Variants in RBPMS observed in about 807,000 individuals in gnomAD.
RBPMS encodes the protein RNA-binding protein with multiple splicing.
In RBPMS, 7 loss-of-function variants were observed where a neutral mutation model predicts 26.8. That is an observed-to-expected ratio of 0.26 (90% confidence interval 0.15 to 0.49). RBPMS has a LOEUF of 0.49. Among genes scored for constraint, RBPMS ranks in the 20% least tolerant of loss-of-function variants. The probability of loss-of-function intolerance (pLI) is 0.98; values close to 1 mark genes in which losing one functional copy is unlikely to be tolerated. For synonymous variants in RBPMS, 96 were observed against 93.3 expected, an observed-to-expected ratio of 1.03 and a Z score of -0.17; for missense variants, 186 against 250.0, an observed-to-expected ratio of 0.74 and a Z score of 1.73.
At chr8:30,409,782 A>G (rs939884945) in intron 1 of RBPMS, among the ~76,000 whole-genome samples, 6 of 151,948 alleles carry the variant, frequency 3.9e-5, no homozygotes, top group African/African-American at 1.2e-4. Context: ...ATAGGCAAAC[A>G]CCATCATGCC....
chr8:30,562,847 C>G (rs1827611743), intron 7 of RBPMS, among the ~76,000 whole-genome samples: 1 of 152,126 alleles, frequency 6.6e-6, no homozygotes, highest in Admixed American at 6.5e-5. Context: ...GGCCAGCACT[C>G]CCAGAGGTCC....
intron 1 of RBPMS, among the ~76,000 whole-genome samples, chr8:30,464,443 C>T (rs1816277054): frequency 1.3e-5 from 2 of 152,172 alleles, no homozygotes; most frequent in Non-Finnish European, 1.5e-5. Flanking sequence ...TTCTAGTTCA[C>T]ACCTTCTCTA....
chr8:30,539,974 G>A (rs539071917), intron 5 of RBPMS, among the ~76,000 whole-genome samples: 1 of 152,298 alleles, frequency 6.6e-6, no homozygotes, highest in African/African-American at 2.4e-5. Flanking sequence ...GGTAGACACT[G>A]GTGAGCAAGA....
Position 30,562,230 on chromosome 8 carries a change from C to T in RBPMS, c.*7+3274C>T, listed in dbSNP as rs112415237. 540 of 165,808 alleles carry T rather than the reference C, an allele frequency of 3.3e-3. 5 individuals carry two copies. Among genetic ancestry groups the T allele is most frequent in the African/African-American group, 0.012 (503 of 41,262 alleles). The allele number at this position is 165,808 out of a possible 1,614,324, so 10.3% of individuals were successfully genotyped here. On this transcript the variant is annotated intron_variant, in intron 7 of 8. Transcript: ENST00000397323. ...CCTGTAATCCCAGCTACTAGGGAGGCTGAGGCAGGAGAATCGCTTGAACCC... is the reference window on the plus strand; with the variant it reads ...CCTGTAATCCCAGCTACTAGGGAGGTTGAGGCAGGAGAATCGCTTGAACCC...
intron 5 of RBPMS, among the ~76,000 whole-genome samples, chr8:30,505,451 AGTTC>A (rs1820984021): frequency 6.6e-6 from 1 of 152,214 alleles, no homozygotes; most frequent in Non-Finnish European, 1.5e-5. Context: ...GCCATTCTGT[AGTTC>A]AGTCACTCTT....
chr8:30,496,033 A>G (rs929964915), intron 4 of RBPMS, among the ~76,000 whole-genome samples: 3 of 152,124 alleles, frequency 2.0e-5, no homozygotes, highest in Non-Finnish European at 4.4e-5. Flanking sequence ...TGGGAAGCCT[A>G]TTGGCATTTT....
intron 6 of RBPMS, chr8:30,545,172 G>T (rs538771485): frequency 7.3e-5 from 95 of 1,299,512 alleles, no homozygotes; most frequent in Non-Finnish European, 9.2e-5. Context: ...AGGAAACCCT[G>T]TAGAAAAGGA....
chr8:30,429,402 T>TA (rs965663617), intron 1 of RBPMS, among the ~76,000 whole-genome samples: 1 of 152,214 alleles, frequency 6.6e-6, no homozygotes, highest in Non-Finnish European at 1.5e-5. Flanking sequence ...AAATTTTGAC[T>TA]AAATTAAAAG....
At chr8:30,450,745 G>A (rs868586802) in intron 1 of RBPMS, among the ~76,000 whole-genome samples, 4 of 124,462 alleles carry the variant, frequency 3.2e-5, no homozygotes, top group South Asian at 5.0e-4. Context: ...TAAATGCAGT[G>A]ACCAGTTTAT....
chr8:30,544,613 C>T lies in RBPMS; in HGVS notation c.517C>T (p.Leu173=), dbSNP rs889576854. 12 of 1,614,046 alleles carry T rather than the reference C, an allele frequency of 7.4e-6. No individual in the cohort carries two copies. The highest frequency in any genetic ancestry group is 9.3e-6 in the Non-Finnish European group (11 of 1,180,054). Residue 173 remains leucine (L), a synonymous_variant, in exon 6 of 9, where the codon CTG becomes TTG. Transcript: ENST00000397323. ...TCCTGCTTTCACCTATCCCGCTTCACTGCATGCCCAGGTAATTGATACCCA... is the reference window on the plus strand; with the variant it reads ...TCCTGCTTTCACCTATCCCGCTTCATTGCATGCCCAGGTAATTGATACCCA... The part of the protein sequence containing the change: ...PPPAFTYPAS[L]HAQMRWLPPS...
intron 1 of RBPMS, among the ~76,000 whole-genome samples, chr8:30,462,843 G>T (rs926426033): frequency 1.3e-5 from 2 of 152,154 alleles, no homozygotes; most frequent in African/African-American, 4.8e-5. Flanking sequence ...TTGGAAGGAT[G>T]CATGAGGAGC....
chr8:30,421,931 G>A (rs918592885), intron 1 of RBPMS, among the ~76,000 whole-genome samples: 1 of 146,402 alleles, frequency 6.8e-6, no homozygotes, highest in Admixed American at 7.0e-5. Flanking sequence ...CTCCAGCCTG[G>A]GTGACATAGC....
chr8:30,556,095 G>A (rs1826880329), intron 6 of RBPMS: 30 of 985,274 alleles, frequency 3.0e-5, no homozygotes, highest in East Asian at 1.1e-4. Context: ...CTGTGGATGC[G>A]GTGAGAAGAG....
intron 4 of RBPMS, among the ~76,000 whole-genome samples, chr8:30,483,314 T>C (rs1180413777): frequency 6.6e-6 from 1 of 152,186 alleles, no homozygotes; most frequent in African/African-American, 2.4e-5. Context: ...ATAGTTGTTA[T>C]TAGGCTAGGT....
intron 6 of RBPMS, chr8:30,549,517 T>C (rs149922644): frequency 1.2e-6 from 2 of 1,613,956 alleles, no homozygotes; most frequent in Non-Finnish European, 1.7e-6. Context: ...AAGGTCAGAC[T>C]GTGAGGAGAA....
chr8:30,545,006 A>G, intron 6 of RBPMS: 1 of 1,444,706 alleles, frequency 6.9e-7, no homozygotes. Flanking sequence ...GGAGAAGGGG[A>G]TATGTGCGTC....
chr8:30,556,745 C>G, intron 6 of RBPMS: 12 of 985,968 alleles, frequency 1.2e-5, no homozygotes, highest in Non-Finnish European at 1.4e-5. Context: ...CAACTCTGCT[C>G]TTTGCTTAGT....
At chr8:30,544,935 A>G in intron 6 of RBPMS, 1 of 1,475,038 alleles carries the variant, frequency 6.8e-7, no homozygotes, top group Non-Finnish European at 9.0e-7. Flanking sequence ...GCTAGAGGGC[A>G]TCACCAGAGT....
chr8:30,468,217 CGTAT>C (rs1316742084), intron 1 of RBPMS, among the ~76,000 whole-genome samples: 3 of 152,002 alleles, frequency 2.0e-5, no homozygotes, highest in African/African-American at 7.2e-5. Flanking sequence ...TGAAATTGGA[CGTAT>C]GTATTTGTAA....
Sources: allele counts gnomAD v4.1 joint callset (sites outside exome capture counted in the v4.1 genomes callset), GRCh38; gene constraint gnomAD v4.1.1; transcripts MANE v1.5; gene names NCBI Gene and HGNC (gene_info 2026-07-23, HGNC 2026-07-21).